ATP9B: variants seen among roughly 807,000 people sequenced by gnomAD.
The protein encoded by ATP9B is probable phospholipid-transporting ATPase IIB.
In ATP9B, 110 loss-of-function variants were observed where a neutral mutation model predicts 146.1. That is an observed-to-expected ratio of 0.75 (90% CI 0.65 to 0.88). ATP9B has a LOEUF of 0.88. ATP9B is among the 40% of genes least tolerant of loss of function. The pLI is 0.00. For missense variants in ATP9B, 1,499 were observed against 1,496.4 expected, an observed-to-expected ratio of 1.00 and a Z score of -0.03; for synonymous variants, 604 against 569.7, an observed-to-expected ratio of 1.06 and a Z score of -0.86.
chr18:79,327,783 C>T (rs62096808), intron 15 of ATP9B, among the ~76,000 whole-genome samples: 20,425 of 77,878 alleles, frequency 0.26, 5,033 homozygotes, highest in Middle Eastern at 0.4. Context: ...ACGTGCTCTC[C>T]GTGGTTAGCG....
At chr18:79,232,853 T>A (rs1034196004) in intron 11 of ATP9B, among the ~76,000 whole-genome samples, 1 of 152,152 alleles carries the variant, frequency 6.6e-6, no homozygotes, top group Non-Finnish European at 1.5e-5. Flanking sequence ...CTTGAAGGGC[T>A]TATTTGTAGA....
intron 15 of ATP9B, among the ~76,000 whole-genome samples, chr18:79,309,380 T>G (rs113044402): frequency 0.078 from 9,250 of 118,082 alleles, 23 homozygotes; most frequent in Admixed American, 0.1. Flanking sequence ...CCCCAGCAGG[T>G]AGAAGGTCAG....
chr18:79,081,206 C>G (rs565459317), intron 1 of ATP9B, among the ~76,000 whole-genome samples: 2 of 152,268 alleles, frequency 1.3e-5, no homozygotes, highest in South Asian at 4.1e-4. Flanking sequence ...ACCAGCTCCT[C>G]TTTGTACTTC....
rs1600532851 is a variant in ATP9B, at chr18:79,377,787, G to A, written c.*404G>A. On this transcript the variant is annotated 3_prime_UTR_variant, in exon 30 of 30. Coordinates refer to ENST00000426216, the MANE Select transcript of ATP9B (RefSeq NM_198531.5). ...TTCACCCATGCTAGGCAAGCCCAGG[G>A]CACAGATGCCGGGATGGCCCCTCCC... 5.3e-6 allele frequency: 1 copy of A among 187,060 alleles called. No individual in the cohort carries two copies. The highest frequency in any genetic ancestry group is 1.1e-5 in the Non-Finnish European group (1 of 89,294). 11.6% of individuals were successfully genotyped at this position (187,060 alleles called of 1,614,324 possible). A position where few individuals can be genotyped will look rare whatever the true frequency, so the allele number is the denominator to read the frequency against.
At chr18:79,336,104 C>T (rs879082094) in intron 17 of ATP9B, among the ~76,000 whole-genome samples, 196 of 113,212 alleles carry the variant, frequency 1.7e-3, no homozygotes, top group Admixed American at 4.0e-3. Context: ...GTGCACCCAC[C>T]ATGCCCTCCC....
At chr18:79,083,684 T>C (rs2073502714) in intron 1 of ATP9B, among the ~76,000 whole-genome samples, 1 of 152,070 alleles carries the variant, frequency 6.6e-6, no homozygotes, top group Non-Finnish European at 1.5e-5. Flanking sequence ...CCCCTTGTGC[T>C]TCCCGGGTGA....
At chr18:79,368,618 A>C (rs1276634996) in intron 26 of ATP9B, among the ~76,000 whole-genome samples, 1 of 152,122 alleles carries the variant, frequency 6.6e-6, no homozygotes, top group Non-Finnish European at 1.5e-5. Flanking sequence ...ATTCTAAGAG[A>C]TGTATTTAAT....
At chr18:79,074,036 G>A (rs535517849) in intron 1 of ATP9B, among the ~76,000 whole-genome samples, 1 of 152,312 alleles carries the variant, frequency 6.6e-6, no homozygotes, top group East Asian at 1.9e-4. Flanking sequence ...TTAGCGTGCA[G>A]CCACCCTGTT....
chr18:79,300,647 G>A (rs1191744660), intron 13 of ATP9B, among the ~76,000 whole-genome samples: 1 of 152,218 alleles, frequency 6.6e-6, no homozygotes, highest in Non-Finnish European at 1.5e-5. Flanking sequence ...CTCTGCACTT[G>A]CAGCTGACTC....
chr18:79,311,504 C>T (rs574259544), intron 15 of ATP9B, among the ~76,000 whole-genome samples: 8 of 152,284 alleles, frequency 5.3e-5, no homozygotes, highest in Non-Finnish European at 8.8e-5. Flanking sequence ...GTATAAGCCA[C>T]GGCTAGACTT....
intron 8 of ATP9B, among the ~76,000 whole-genome samples, chr18:79,190,253 A>G (rs975304602): frequency 6.6e-6 from 1 of 152,176 alleles, no homozygotes; most frequent in Admixed American, 6.6e-5. Context: ...ATAATAGACT[A>G]TGTCTACATA....
intron 9 of ATP9B, 127 bp downstream of exon 9, chr18:79,193,390 A>G: frequency 2.6e-6 from 2 of 776,098 alleles, no homozygotes; most frequent in Non-Finnish European, 4.2e-6. Context: ...GGGAAAACCT[A>G]TATAATGTTT....
intron 10 of ATP9B, among the ~76,000 whole-genome samples, chr18:79,209,305 C>T (rs1479141067): frequency 3.3e-5 from 5 of 152,226 alleles, no homozygotes; most frequent in African/African-American, 1.2e-4. Context: ...CAGCCTGTTT[C>T]TTCCATCTCA....
At chr18:79,119,330 A>G (rs1043482530) in intron 4 of ATP9B, among the ~76,000 whole-genome samples, 4 of 152,232 alleles carry the variant, frequency 2.6e-5, no homozygotes, top group African/African-American at 9.6e-5. Context: ...TGTGCACACA[A>G]GCACACACAC....
At chr18:79,255,587 T>C (rs2096069522) in intron 12 of ATP9B, among the ~76,000 whole-genome samples, 1 of 152,254 alleles carries the variant, frequency 6.6e-6, no homozygotes, top group Admixed American at 6.5e-5. Flanking sequence ...TTCTGCCAGC[T>C]GGAATGCCTG....
intron 26 of ATP9B, among the ~76,000 whole-genome samples, chr18:79,368,266 GCCAGGTGCCTGTGGTC>G (rs2097047494): frequency 6.6e-6 from 1 of 152,216 alleles, no homozygotes; most frequent in Non-Finnish European, 1.5e-5. Context: ...TGGGCATGGC[GCCAGGTGCCTGTGGTC>G]CCAGCTGCCC....
chr18:79,132,067 A>G (rs1260573125), intron 5 of ATP9B, among the ~76,000 whole-genome samples: 1 of 152,260 alleles, frequency 6.6e-6, no homozygotes, highest in Non-Finnish European at 1.5e-5. Flanking sequence ...AATACAGTCA[A>G]TGCCACTGAA....
At chr18:79,347,511 A>G (rs1280868722) in intron 23 of ATP9B, among the ~76,000 whole-genome samples, 2 of 151,924 alleles carry the variant, frequency 1.3e-5, no homozygotes, top group African/African-American at 4.8e-5. Context: ...AGCTCTGCTG[A>G]CTCCTGTGAC....
At chr18:79,323,271 C>T (rs527327525) in intron 15 of ATP9B, among the ~76,000 whole-genome samples, 9 of 152,276 alleles carry the variant, frequency 5.9e-5, no homozygotes, top group South Asian at 2.1e-4. Context: ...CTCTGTTTAT[C>T]GTTGCTTCGC....
Sources: allele counts gnomAD v4.1 joint callset (sites outside exome capture counted in the v4.1 genomes callset), GRCh38; gene constraint gnomAD v4.1.1; transcripts MANE v1.5; gene names NCBI Gene and HGNC (gene_info 2026-07-23, HGNC 2026-07-21).